The following CLK4 variants were observed in gnomAD, a reference collection of about 807,000 sequenced individuals.
CLK4 encodes dual specificity protein kinase CLK4.
CLK4 carries 37 observed loss-of-function variants against 64.4 expected under a neutral mutation model. The ratio of observed to expected loss-of-function variants is 0.57; its 90% CI spans 0.44 to 0.76. The LOEUF (loss-of-function observed/expected upper bound fraction) is 0.76, where lower values mean the gene tolerates loss of function less well. Ranked by LOEUF, CLK4 falls within the 30% of genes least tolerant of loss-of-function variation. CLK4 has a pLI of 0.00. For missense variants in CLK4, 457 were observed against 605.1 expected, an observed-to-expected ratio of 0.76 and a Z score of 2.57; for synonymous variants, 175 against 191.6, an observed-to-expected ratio of 0.91 and a Z score of 0.72.
intron 7 of CLK4, 101 bp from the exon 8 acceptor site, chr5:178,612,991 T>C (rs1764578121): frequency 1.8e-6 from 1 of 552,606 alleles, no homozygotes; most frequent in African/African-American, 1.9e-5. Context: ...CAAGAGACGA[T>C]TCATCTTTAC....
intron 5 of CLK4, among the ~76,000 whole-genome samples, chr5:178,615,601 A>G (rs1424163407): frequency 6.6e-6 from 1 of 152,224 alleles, no homozygotes; most frequent in Non-Finnish European, 1.5e-5. Flanking sequence ...TTGTTTATGG[A>G]TGATGGTAGG....
rs150742308 is a variant in CLK4, at chr5:178,623,141, G to A, written c.161+115C>T. 170 of 1,030,364 alleles carry A rather than the reference G, an allele frequency of 1.6e-4. No homozygotes were observed. In the Admixed American group the frequency reaches 3.0e-3, roughly 18 times the overall value. 63.8% of individuals were successfully genotyped at this position (1,030,364 alleles called of 1,614,324 possible). On this transcript the variant is annotated intron_variant, in intron 2 of 12. Coordinates refer to ENST00000316308, the MANE Select transcript of CLK4 (RefSeq NM_020666.3). ...ATAAGTACTCAAATATTTTCTAAAC[G>A]AATATTTGTTGACTGAATTATAAAA...
chr5:178,625,439 AAAAAAAG>A, intron 1 of CLK4, among the ~76,000 whole-genome samples: 1 of 151,292 alleles, frequency 6.6e-6, no homozygotes, highest in Non-Finnish European at 1.5e-5. Context: ...AAAAAAAAAA[AAAAAAAG>A]AAAATGTGTA....
At chr5:178,623,970 A>C (rs1764745530) in intron 1 of CLK4, among the ~76,000 whole-genome samples, 2 of 152,210 alleles carry the variant, frequency 1.3e-5, no homozygotes, top group South Asian at 4.1e-4. Context: ...AAAGTACTGT[A>C]ATACAAATAA....
At chr5:178,616,697 G>A (rs1764632096) in intron 5 of CLK4, among the ~76,000 whole-genome samples, 185 bp downstream of exon 5, 1 of 152,138 alleles carries the variant, frequency 6.6e-6, no homozygotes, top group African/African-American at 2.4e-5. Context: ...TTGAGAGGCT[G>A]AAGCAGGAGA....
At chr5:178,623,121 T>C in intron 2 of CLK4, 135 bp downstream of exon 2, 1 of 844,918 alleles carries the variant, frequency 1.2e-6, no homozygotes, top group South Asian at 1.6e-5. Context: ...CTAAAATAAG[T>C]ACTCAAATAT....
rs1272661708 is a variant in CLK4 at position 178,624,108 on chromosome 5, C to T, written c.1-692G>A. Among the ~76,000 whole-genome samples, 4 of 152,186 alleles carry T rather than the reference C, an allele frequency of 2.6e-5. No individual in the cohort carries two copies. The East Asian group carries it at 7.7e-4, about 29-fold the overall frequency. On this transcript the variant is annotated intron_variant, in intron 1 of 12. Transcript: ENST00000316308. ...CTCCATAGTTCTTTTCTCTAAATCT[C>T]AGAATGACTCTAAGCTTTGAGAATA...
chr5:178,616,881 C>A lies in CLK4; in HGVS notation c.542+1G>T. 6.2e-7 allele frequency: 1 copy of A among 1,609,248 alleles called. No homozygotes were observed. The highest frequency in any genetic ancestry group is 8.5e-7 in the Non-Finnish European group (1 of 1,175,944). The stretch of plus-strand genomic sequence containing the variant: ...GTTTGAAAAGGAAAAAACAAACTTA[C>A]ATGCCATGATCAATGCACTCTACAA... On this transcript the variant is annotated splice_donor_variant, in intron 5 of 12. Transcript: ENST00000316308. LOFTEE classifies it high-confidence loss of function.
intron 10 of CLK4, among the ~76,000 whole-genome samples, chr5:178,607,720 C>A (rs1193116267): frequency 6.6e-6 from 1 of 151,876 alleles, no homozygotes; most frequent in East Asian, 1.9e-4. Context: ...CCATGTTAGC[C>A]AGGATGGTCT....
Position 178,623,413 on chromosome 5 carries a change from G to T in CLK4, c.4C>A (p.Arg2=), listed in dbSNP as rs140778498. The T allele has an allele frequency of 1.4e-4, 231 of 1,606,654 alleles. No homozygotes were observed. In the African/African-American group the frequency reaches 2.7e-3, roughly 19 times the overall value. M[R]HSKRTHCPDW... The stretch of plus-strand genomic sequence containing the variant: ...GGACAGTGAGTTCTTTTGGAATGCC[G>T]CATCTGTTGATAGAAATGAAAAGGG... The change falls in exon 2 of 13, where the codon CGG becomes AGG. Residue 2 remains arginine (R), a synonymous_variant. Transcript: ENST00000316308.
intron 1 of CLK4, among the ~76,000 whole-genome samples, chr5:178,623,904 C>T (rs564849558): frequency 1.4e-4 from 21 of 152,172 alleles, no homozygotes; most frequent in African/African-American, 4.8e-4. Flanking sequence ...AAAATGTTAA[C>T]ATTAAAATGT....
chr5:178,606,471 T>C (rs992590376), intron 10 of CLK4, among the ~76,000 whole-genome samples: 2 of 152,208 alleles, frequency 1.3e-5, no homozygotes, highest in Non-Finnish European at 2.9e-5. Flanking sequence ...GAATTCATCA[T>C]TGTGCAACAG....
chr5:178,620,468 T>C (rs753263934), intron 2 of CLK4: 5 of 313,630 alleles, frequency 1.6e-5, no homozygotes, highest in African/African-American at 2.2e-5. Context: ...GTCTCTTCAA[T>C]AGATAATGGC....
chr5:178,609,968 G>A (rs183573234), intron 9 of CLK4, among the ~76,000 whole-genome samples: 42 of 151,918 alleles, frequency 2.8e-4, no homozygotes, highest in East Asian at 1.2e-3. Context: ...TACAAAATCC[G>A]TAAATGCTAG....
intron 2 of CLK4, chr5:178,620,121 A>C (rs1333670520): frequency 3.4e-6 from 1 of 292,192 alleles, no homozygotes; most frequent in African/African-American, 2.2e-5. Context: ...GGGGAGATAC[A>C]GAAACCCGGT....
chr5:178,612,125 C>T (rs1764565865), intron 9 of CLK4, among the ~76,000 whole-genome samples: 2 of 151,458 alleles, frequency 1.3e-5, no homozygotes. Flanking sequence ...CATATAACTT[C>T]AAAATCACAT....
At chr5:178,618,224 T>C (rs1357989323) in intron 3 of CLK4, 1 of 151,592 alleles carries the variant, frequency 6.6e-6, no homozygotes, top group East Asian at 1.9e-4. Flanking sequence ...AAAAAAAAAA[T>C]GCTTAAGATG....
At chr5:178,604,569 T>A (rs1201937165) in intron 11 of CLK4, 4 of 151,990 alleles carry the variant, frequency 2.6e-5, no homozygotes, top group Non-Finnish European at 5.9e-5. Context: ...GGGATGATGG[T>A]TTGGAATCAA....
In CLK4 at chr5:178,613,606, A is replaced by G; in HGVS notation, c.693T>C (p.His231=). The stretch of plus-strand genomic sequence containing the variant: ...CAAACACAATACAAACATGACCATG[A>G]TGATCAAACCATTCTAGCATCTGGA... ...RCVQMLEWFD[H]HGHVCIVFEL... The change falls in exon 7 of 13, where the codon CAT becomes CAC. Residue 231 remains histidine (H), a synonymous_variant. Transcript: ENST00000316308. The G allele has an allele frequency of 6.2e-7, 1 of 1,610,018 alleles. No individual in the cohort carries two copies. Among genetic ancestry groups the G allele is most frequent in the Admixed American group, 1.7e-5 (1 of 58,866 alleles).
Sources: gnomAD v4.1 joint callset for allele counts (sites outside exome capture counted in the v4.1 genomes callset) on GRCh38, gnomAD v4.1.1 for gene constraint, MANE v1.5 for transcripts, NCBI Gene and HGNC (gene_info 2026-07-23, HGNC 2026-07-21) for gene names.